TASP1: variants seen among roughly 807,000 people sequenced by gnomAD.
TASP1 encodes threonine aspartase 1.
TASP1 carries 16 observed loss-of-function variants against 56.6 expected under a neutral mutation model. The observed-to-expected ratio is 0.28, with a 90% CI of 0.19 to 0.43. The LOEUF is 0.43. Among genes scored for constraint, TASP1 ranks in the 20% least tolerant of loss-of-function variants. TASP1 has a pLI of 1.00. For synonymous variants in TASP1, 179 were observed against 184.2 expected (o/e 0.97, Z 0.23); for missense variants, 393 against 511.6 (o/e 0.77, Z 2.24).
In TASP1 at chr20:13,587,117, A is replaced by C. The variant is rs950213267; in HGVS notation, c.403+133T>G. ...AACTAAGACTGTATGTTTTAAATTC[A>C]ATAAAAAAAGAACATTTGTTTTAAA... On this transcript the variant is annotated intron_variant, in intron 5 of 13. Transcript: ENST00000337743. 6 of 1,214,378 alleles carry C rather than the reference A, an allele frequency of 4.9e-6. No individual in the cohort carries two copies. In the African/African-American group the frequency reaches 9.3e-5, roughly 19 times the overall value. The allele number at this position is 1,214,378 out of a possible 1,614,324, so 75.2% of individuals were successfully genotyped here.
At chr20:13,321,253 T>TAAAAAAAAAAAAAAAAAAAAAAAAAAAAA in the TASP1 span, among the ~76,000 whole-genome samples, 5 of 57,522 alleles carry the variant, frequency 8.7e-5, no homozygotes, top group Middle Eastern at 0.011. Flanking sequence ...GTGCCCCACA[T>TAAAAAAAAAAAAAAAAAAAAAAAAAAAAA]AAAAAAAAAA....
chr20:13,111,131 A>G, the TASP1 span, among the ~76,000 whole-genome samples: 7 of 152,122 alleles, frequency 4.6e-5, no homozygotes, highest in Admixed American at 3.9e-4. Context: ...GTTTCATTTT[A>G]TTTTTAACAT....
At chr20:13,326,376 C>A in the TASP1 span, among the ~76,000 whole-genome samples, 1 of 151,826 alleles carries the variant, frequency 6.6e-6, no homozygotes, top group East Asian at 1.9e-4. Context: ...TGTATATATT[C>A]GATTTAAGTA....
At chr20:13,521,886 T>C (rs1465565989) in intron 10 of TASP1, among the ~76,000 whole-genome samples, 3 of 151,774 alleles carry the variant, frequency 2.0e-5, no homozygotes, top group South Asian at 2.1e-4. Flanking sequence ...AAATAAAACA[T>C]GAAAGGGAGA....
intron 2 of TASP1, among the ~76,000 whole-genome samples, chr20:13,628,547 C>T (rs922125933): frequency 1.3e-5 from 2 of 152,270 alleles, no homozygotes; most frequent in Admixed American, 1.3e-4. Context: ...TGTTTAGATA[C>T]TCTGGATTAG....
At chr20:13,518,634 T>C (rs1190564070) in intron 10 of TASP1, among the ~76,000 whole-genome samples, 1 of 152,074 alleles carries the variant, frequency 6.6e-6, no homozygotes, top group East Asian at 1.9e-4. Context: ...CCCACCACAA[T>C]GTATTTGTTT....
chr20:13,473,705 T>G (rs1321304074), intron 11 of TASP1, among the ~76,000 whole-genome samples: 4 of 152,180 alleles, frequency 2.6e-5, no homozygotes, highest in Admixed American at 2.6e-4. Flanking sequence ...GACTCTTTCC[T>G]TAATCTACCA....
the TASP1 span, among the ~76,000 whole-genome samples, chr20:13,291,753 G>A: frequency 6.6e-6 from 1 of 152,160 alleles, no homozygotes; most frequent in Non-Finnish European, 1.5e-5. Context: ...AACTCTTCTT[G>A]GCTATGCATT....
At chr20:13,157,499 G>GC in the TASP1 span, among the ~76,000 whole-genome samples, 2 of 152,084 alleles carry the variant, frequency 1.3e-5, no homozygotes, top group African/African-American at 4.8e-5. Context: ...AGAATTCAAA[G>GC]CCAGTTCCAT....
chr20:13,445,229 G>A (rs116235473), intron 11 of TASP1, among the ~76,000 whole-genome samples: 2,541 of 152,140 alleles, frequency 0.017, 73 homozygotes, highest in African/African-American at 0.056. Context: ...AAACCAAACT[G>A]AGAATTCAAT....
At chr20:13,457,979 A>G (rs1393080659) in intron 11 of TASP1, among the ~76,000 whole-genome samples, 1 of 152,178 alleles carries the variant, frequency 6.6e-6, no homozygotes, top group Non-Finnish European at 1.5e-5. Flanking sequence ...TTAAAAATCT[A>G]AATTTCAAGA....
intron 4 of TASP1, among the ~76,000 whole-genome samples, chr20:13,588,595 A>G (rs756203549): frequency 3.3e-5 from 5 of 152,230 alleles, no homozygotes; most frequent in Non-Finnish European, 5.9e-5. Flanking sequence ...AAACAGAAAT[A>G]CATTTTTAAA....
chr20:13,224,507 T>G, the TASP1 span, among the ~76,000 whole-genome samples: 1 of 152,186 alleles, frequency 6.6e-6, no homozygotes, highest in African/African-American at 2.4e-5. Flanking sequence ...TCATCTAAAT[T>G]TGTTGGTTCT....
the TASP1 span, among the ~76,000 whole-genome samples, chr20:13,157,264 C>G: frequency 1.3e-5 from 1 of 78,218 alleles, no homozygotes; most frequent in Non-Finnish European, 2.4e-5. Flanking sequence ...CCTGTTTCTA[C>G]TAAAAGTACA....
At chr20:13,464,460 CT>C (rs1263006385) in intron 11 of TASP1, among the ~76,000 whole-genome samples, 5 of 152,134 alleles carry the variant, frequency 3.3e-5, no homozygotes, top group African/African-American at 1.2e-4. Flanking sequence ...GTCTATGGTA[CT>C]TTGTTATGGT....
chr20:13,221,651 G>T, the TASP1 span: 6 of 781,284 alleles, frequency 7.7e-6, no homozygotes, highest in South Asian at 3.5e-4. Context: ...GGGAAGCGGA[G>T]CCCTGGCGGG....
chr20:13,221,550 G>C, the TASP1 span, among the ~76,000 whole-genome samples: 4 of 143,670 alleles, frequency 2.8e-5, no homozygotes, highest in African/African-American at 1.0e-4. Context: ...GCTCCGCCGT[G>C]GTGCGGCGGC....
chr20:13,432,575 T>C (rs544121116), intron 12 of TASP1, among the ~76,000 whole-genome samples: 323 of 152,322 alleles, frequency 2.1e-3, no homozygotes, highest in African/African-American at 7.3e-3. Flanking sequence ...CATTAGCCTA[T>C]GTTCGCCAGG....
intron 4 of TASP1, among the ~76,000 whole-genome samples, chr20:13,601,074 G>A (rs1021271999): frequency 6.6e-6 from 1 of 152,104 alleles, no homozygotes; most frequent in Non-Finnish European, 1.5e-5. Context: ...TCAGGAGTTC[G>A]AGACCAGCCT....
Sources: allele counts gnomAD v4.1 joint callset (sites outside exome capture counted in the v4.1 genomes callset), GRCh38; gene constraint gnomAD v4.1.1; transcripts MANE v1.5; gene names NCBI Gene and HGNC (gene_info 2026-07-23, HGNC 2026-07-21).